RALYL: variants seen among roughly 807,000 people sequenced by gnomAD.
The protein encoded by RALYL is RNA-binding Raly-like protein.
RALYL carries 29 observed loss-of-function variants against 35.1 expected under a neutral mutation model. That is an observed-to-expected ratio of 0.83 (90% CI 0.61 to 1.13). RALYL has a LOEUF of 1.13. Among genes scored for constraint, RALYL ranks in the 50% most tolerant of loss-of-function variants. The probability of loss-of-function intolerance (pLI) is 0.00; values close to 1 mark genes in which losing one functional copy is unlikely to be tolerated. For synonymous variants in RALYL, 120 were observed against 127.6 expected (o/e 0.94, Z 0.40); for missense variants, 359 against 360.4 (o/e 1.00, Z 0.03).
intron 2 of RALYL, among the ~76,000 whole-genome samples, chr8:84,606,348 C>T (rs1405722451): frequency 6.6e-6 from 1 of 152,156 alleles, no homozygotes; most frequent in African/African-American, 2.4e-5. Context: ...CAGGAACATG[C>T]TTTGGTCACT....
At chr8:84,727,516 C>T (rs1845201440) in intron 2 of RALYL, among the ~76,000 whole-genome samples, 1 of 151,718 alleles carries the variant, frequency 6.6e-6, no homozygotes, top group Non-Finnish European at 1.5e-5. Context: ...TACATGTGCA[C>T]AATGTGCAGG....
At chr8:84,826,782 G>A (rs961355639) in intron 4 of RALYL, among the ~76,000 whole-genome samples, 2 of 150,554 alleles carry the variant, frequency 1.3e-5, no homozygotes, top group Non-Finnish European at 3.0e-5. Flanking sequence ...CCACGCCCCC[G>A]CCACACACAC....
At chr8:84,783,962 A>T (rs572918323) in intron 3 of RALYL, among the ~76,000 whole-genome samples, 1 of 152,214 alleles carries the variant, frequency 6.6e-6, no homozygotes, top group South Asian at 2.1e-4. Flanking sequence ...CCTGCCTCCA[A>T]CTCTGAAATC....
chr8:84,369,451 T>G (rs1855229314), intron 1 of RALYL, among the ~76,000 whole-genome samples: 1 of 152,096 alleles, frequency 6.6e-6, no homozygotes, highest in Non-Finnish European at 1.5e-5. Context: ...TTGTTTCTCC[T>G]CTCTGACTGT....
intron 1 of RALYL, among the ~76,000 whole-genome samples, chr8:84,323,359 G>T (rs1845225097): frequency 6.6e-6 from 1 of 151,904 alleles, no homozygotes; most frequent in South Asian, 2.1e-4. Flanking sequence ...CATAAATTTG[G>T]TCTAAAGCTA....
intron 1 of RALYL, among the ~76,000 whole-genome samples, chr8:84,513,027 T>C (rs953743727): frequency 2.0e-5 from 3 of 152,214 alleles, no homozygotes; most frequent in Non-Finnish European, 4.4e-5. Context: ...TTTGGTTCCA[T>C]ATAAATTTTA....
At chr8:84,323,189 A>G in intron 1 of RALYL, among the ~76,000 whole-genome samples, 1 of 152,238 alleles carries the variant, frequency 6.6e-6, no homozygotes. Flanking sequence ...AATAAATGTT[A>G]AATGAATTGT....
At chr8:84,310,201 C>G (rs966442004) in intron 1 of RALYL, among the ~76,000 whole-genome samples, 1 of 151,952 alleles carries the variant, frequency 6.6e-6, no homozygotes, top group Non-Finnish European at 1.5e-5. Context: ...TACCACTACT[C>G]CTGGCTAATT....
rs1246553302 is a variant in RALYL, at chr8:84,586,193, C to CA, written c.256+56630dup. 5.0e-3 allele frequency among the ~76,000 whole-genome samples: 511 copies of CA among 101,432 alleles called. 5 individuals carry two copies. In the East Asian group the frequency reaches 0.055, roughly 11 times the overall value. 66.5% of individuals were successfully genotyped at this position (101,432 alleles called of 152,430 possible). ...CTGGGCAACAGAGTGAGATGCGTCTCAAAAAAAAAAAAAAGAAAGAAAGAA... is the reference window on the plus strand; with the variant it reads ...CTGGGCAACAGAGTGAGATGCGTCTCAAAAAAAAAAAAAAAGAAAGAAAGAA... On this transcript the variant is annotated intron_variant, in intron 2 of 8. Coordinates refer to ENST00000521268, the MANE Select transcript of RALYL (RefSeq NM_173848.7).
chr8:84,731,329 C>G (rs1027106), intron 2 of RALYL, among the ~76,000 whole-genome samples: 1 of 152,094 alleles, frequency 6.6e-6, no homozygotes, highest in Admixed American at 6.6e-5. Flanking sequence ...GGTTAACCCT[C>G]TTTTGAGGAT....
chr8:84,649,564 C>T (rs541999731), intron 2 of RALYL, among the ~76,000 whole-genome samples: 34 of 152,178 alleles, frequency 2.2e-4, no homozygotes, highest in Middle Eastern at 6.8e-3. Context: ...TTGTTTTTCT[C>T]GGGTTTGTCA....
chr8:84,707,785 T>C (rs1406076768), intron 2 of RALYL, among the ~76,000 whole-genome samples: 2 of 152,106 alleles, frequency 1.3e-5, no homozygotes, highest in East Asian at 1.9e-4. Context: ...GCAAATAGAA[T>C]CCTTAAATGA....
At chr8:84,314,303 C>T (rs896756951) in intron 1 of RALYL, among the ~76,000 whole-genome samples, 6 of 151,776 alleles carry the variant, frequency 4.0e-5, no homozygotes, top group African/African-American at 1.5e-4. Flanking sequence ...AGAGCAACAC[C>T]ATATCAATAA....
chr8:84,842,598 A>C (rs1198041991), intron 4 of RALYL, among the ~76,000 whole-genome samples: 2 of 152,158 alleles, frequency 1.3e-5, no homozygotes, highest in East Asian at 1.9e-4. Flanking sequence ...AAAAGAAGGA[A>C]TCCTCCCTAA....
intron 1 of RALYL, among the ~76,000 whole-genome samples, chr8:84,420,138 T>G (rs1027955065): frequency 6.6e-6 from 1 of 151,890 alleles, no homozygotes; most frequent in African/African-American, 2.4e-5. Context: ...TCCACAATGG[T>G]TGAACTAGTT....
At chr8:84,610,277 C>G (rs1381994936) in intron 2 of RALYL, among the ~76,000 whole-genome samples, 1 of 152,008 alleles carries the variant, frequency 6.6e-6, no homozygotes, top group Non-Finnish European at 1.5e-5. Flanking sequence ...GCTTGACTCC[C>G]AGACTTTCTT....
chr8:84,844,006 G>A (rs149403202), intron 4 of RALYL, among the ~76,000 whole-genome samples: 6,735 of 152,114 alleles, frequency 0.044, 471 homozygotes, highest in African/African-American at 0.15. Flanking sequence ...ACCTAGAACC[G>A]TAAAAACCCT....
chr8:84,470,005 C>T (rs780055106), intron 1 of RALYL, among the ~76,000 whole-genome samples: 46 of 152,134 alleles, frequency 3.0e-4, no homozygotes, highest in Non-Finnish European at 4.7e-4. Flanking sequence ...GGCTCGCGCA[C>T]GGTGCGCGCA....
At chr8:84,343,888 GTTTTT>G (rs35985007) in intron 1 of RALYL, among the ~76,000 whole-genome samples, 1 of 148,198 alleles carries the variant, frequency 6.7e-6, no homozygotes, top group Non-Finnish European at 1.5e-5. Flanking sequence ...TTGTTTGTTT[GTTTTT>G]TTTTTTAACA....
Sources: gnomAD v4.1 joint callset for allele counts (sites outside exome capture counted in the v4.1 genomes callset) on GRCh38, gnomAD v4.1.1 for gene constraint, MANE v1.5 for transcripts, NCBI Gene and HGNC (gene_info 2026-07-23, HGNC 2026-07-21) for gene names.